The following BANK1 variants were observed in gnomAD, a reference collection of about 807,000 sequenced individuals.
BANK1 encodes the protein B-cell scaffold protein with ankyrin repeats.
In BANK1, 95 loss-of-function variants were observed where a neutral mutation model predicts 94.5. The ratio of observed to expected loss-of-function variants is 1.00; its 90% CI spans 0.85 to 1.19. The LOEUF (loss-of-function observed/expected upper bound fraction) is 1.19. BANK1 is among the 50% of genes most tolerant of loss of function. BANK1 has a pLI of 0.00. For synonymous variants in BANK1, 334 were observed against 308.4 expected (o/e 1.08, Z -0.87); for missense variants, 987 against 932.2 (o/e 1.06, Z -0.77).
At chr4:101,996,388 T>G (rs1201840004) in intron 7 of BANK1, among the ~76,000 whole-genome samples, 1 of 152,170 alleles carries the variant, frequency 6.6e-6, no homozygotes, top group Admixed American at 6.5e-5. Context: ...TCTTTTTGCT[T>G]AGGATTGTCT....
intron 7 of BANK1, among the ~76,000 whole-genome samples, chr4:102,008,580 G>C (rs1274913137): frequency 6.6e-6 from 1 of 151,998 alleles, no homozygotes; most frequent in Non-Finnish European, 1.5e-5. Context: ...AAGGTAATTG[G>C]GTATATTGCG....
At chr4:101,964,766 TTTA>T (rs898704777) in intron 7 of BANK1, among the ~76,000 whole-genome samples, 5 of 151,902 alleles carry the variant, frequency 3.3e-5, no homozygotes, top group African/African-American at 4.8e-5. Context: ...AGTATTCTTT[TTTA>T]TTATTATTAT....
At chr4:102,010,254 A>C (rs573897967) in intron 7 of BANK1, among the ~76,000 whole-genome samples, 3 of 152,080 alleles carry the variant, frequency 2.0e-5, no homozygotes, top group Non-Finnish European at 2.9e-5. Context: ...GACAGAGTGA[A>C]ACTCCATCTC....
chr4:101,831,511 G>C (rs535501194), intron 2 of BANK1, among the ~76,000 whole-genome samples: 1 of 152,138 alleles, frequency 6.6e-6, no homozygotes, highest in Non-Finnish European at 1.5e-5. Flanking sequence ...GTCTCGCTCT[G>C]TCATCCAGGG....
rs28542218 is a variant in BANK1, at chr4:101,884,839, C to T, written c.904-10466C>T. 6.3e-3 allele frequency among the ~76,000 whole-genome samples: 963 copies of T among 152,274 alleles called. 11 individuals are homozygous for T. The highest frequency in any genetic ancestry group is 0.021 in the African/African-American group (890 of 41,558). ...TAATAGTCTCCTTATTGGTCCTCCACCTTAAGTTCTTGCACACCTCCTACT... is the reference window on the plus strand; with the variant it reads ...TAATAGTCTCCTTATTGGTCCTCCATCTTAAGTTCTTGCACACCTCCTACT... On this transcript the variant is annotated intron_variant, in intron 5 of 16. Transcript: ENST00000322953.
At chr4:102,065,339 G>A (rs1047102801) in intron 13 of BANK1, among the ~76,000 whole-genome samples, 3 of 152,072 alleles carry the variant, frequency 2.0e-5, no homozygotes, top group Non-Finnish European at 4.4e-5. Context: ...CAAACTCAGG[G>A]CCTTAAAAAG....
At chr4:101,881,932 G>C (rs943663588) in intron 5 of BANK1, among the ~76,000 whole-genome samples, 3 of 151,944 alleles carry the variant, frequency 2.0e-5, no homozygotes, top group African/African-American at 7.3e-5. Context: ...ATGATTAGTG[G>C]GGGTTTGGGT....
At chr4:101,817,850 T>C (rs1489726117) in intron 1 of BANK1, among the ~76,000 whole-genome samples, 1 of 152,110 alleles carries the variant, frequency 6.6e-6, no homozygotes, top group Non-Finnish European at 1.5e-5. Flanking sequence ...TTTGCAATTT[T>C]TTTTTAGCTC....
intron 7 of BANK1, among the ~76,000 whole-genome samples, chr4:101,940,632 T>C (rs1029471867): frequency 1.3e-4 from 19 of 151,694 alleles, no homozygotes; most frequent in Non-Finnish European, 2.5e-4. Context: ...TGTTAAGGAG[T>C]GCTGGTCAGA....
At chr4:101,808,851 T>C (rs959117398) in intron 1 of BANK1, among the ~76,000 whole-genome samples, 1 of 152,010 alleles carries the variant, frequency 6.6e-6, no homozygotes, top group African/African-American at 2.4e-5. Context: ...GTTAAAAAAA[T>C]AGATGTTGGA....
chr4:101,855,286 C>A, intron 3 of BANK1, 97 bp downstream of exon 3: 1 of 1,251,090 alleles, frequency 8.0e-7, no homozygotes, highest in South Asian at 1.9e-5. Context: ...ATTAGGTTGC[C>A]CAGGCTGGTC....
intron 1 of BANK1, among the ~76,000 whole-genome samples, chr4:101,797,001 A>G (rs1216045085): frequency 6.6e-6 from 1 of 152,186 alleles, no homozygotes; most frequent in East Asian, 1.9e-4. Context: ...TTTATATACA[A>G]TCTCAGTGGA....
chr4:101,856,420 G>A (rs1268661873), intron 3 of BANK1, among the ~76,000 whole-genome samples: 2 of 152,096 alleles, frequency 1.3e-5, no homozygotes, highest in Admixed American at 6.6e-5. Flanking sequence ...GTCAGAACTC[G>A]TGGCTCCTAC....
intron 1 of BANK1, among the ~76,000 whole-genome samples, chr4:101,815,948 T>A (rs1170402745): frequency 1.3e-5 from 2 of 152,198 alleles, no homozygotes; most frequent in Admixed American, 6.5e-5. Flanking sequence ...TTCCATGTAT[T>A]CAAAATATCT....
intron 7 of BANK1, among the ~76,000 whole-genome samples, chr4:101,960,090 T>A (rs1473930487): frequency 1.3e-5 from 2 of 152,240 alleles, no homozygotes; most frequent in East Asian, 3.9e-4. Context: ...GATCTAGAAA[T>A]AAAACCTCCA....
chr4:102,007,098 T>TATATATA (rs1491251789), intron 7 of BANK1, among the ~76,000 whole-genome samples: 1 of 75,326 alleles, frequency 1.3e-5, no homozygotes, highest in African/African-American at 4.5e-5. Flanking sequence ...ATATAATATA[T>TATATATA]TTATATATAT....
chr4:102,014,174 A>G (rs1209414477), intron 7 of BANK1, among the ~76,000 whole-genome samples: 2 of 152,140 alleles, frequency 1.3e-5, no homozygotes, highest in South Asian at 4.1e-4. Flanking sequence ...GATTATCATC[A>G]TTATCATAAT....
At position 102,029,953 on chromosome 4, in the gene BANK1, T is replaced by C; in HGVS notation, c.1595-7T>C. On this transcript the variant is annotated splice_polypyrimidine_tract_variant and splice_region_variant and intron_variant, in intron 9 of 16. Transcript: ENST00000322953. The stretch of plus-strand genomic sequence containing the variant: ...GAGTAAACACCATGTAAATATTTCA[T>C]AAACAGGGACAATGGTGGAAGGCCA... 1.3e-6 allele frequency: 2 copies of C among 1,588,538 alleles called. No individual in the cohort carries two copies. The highest frequency in any genetic ancestry group is 1.7e-6 in the Non-Finnish European group (2 of 1,171,970).
chr4:102,030,265 G>T lies in BANK1; in HGVS notation c.1900G>T (p.Val634Leu). 1 of 1,561,454 alleles carries T rather than the reference G, an allele frequency of 6.4e-7. No individual in the cohort carries two copies. The highest frequency in any genetic ancestry group is 8.6e-7 in the Non-Finnish European group (1 of 1,161,322). ...GGAAACTACACCTTACATAGCTCAA[G>T]GTAATTATCATTGTTGTTTGTTTAC... ...KEETTPYIAQ[V>L]FQQKTARRQS... The change falls in exon 10 of 17, where the codon GTG (valine) becomes TTG (leucine). Residue 634 changes from valine to leucine, a missense_variant and splice_region_variant. By Grantham distance (32) the Val-to-Leu change is conservative. Coordinates refer to ENST00000322953, the MANE Select transcript of BANK1 (RefSeq NM_017935.5).
Sources: allele counts gnomAD v4.1 joint callset (sites outside exome capture counted in the v4.1 genomes callset), GRCh38; gene constraint gnomAD v4.1.1; transcripts MANE v1.5; gene names NCBI Gene and HGNC (gene_info 2026-07-23, HGNC 2026-07-21).